SNTG2: variants seen among roughly 807,000 people sequenced by gnomAD.
SNTG2 encodes the protein syntrophin gamma 2.
SNTG2 carries 74 observed loss-of-function variants against 70.9 expected under a neutral mutation model. The observed-to-expected ratio is 1.04, with a 90% CI of 0.86 to 1.27. The LOEUF (loss-of-function observed/expected upper bound fraction) is 1.27. Ranked by LOEUF, SNTG2 falls within the 50% of genes most tolerant of loss-of-function variation. SNTG2 has a pLI of 0.00. For missense variants in SNTG2, 717 were observed against 690.7 expected (o/e 1.04, Z -0.43); for synonymous variants, 278 against 273.8 (o/e 1.02, Z -0.15).
At chr2:1,132,828 C>G (rs1186134433) in intron 4 of SNTG2, among the ~76,000 whole-genome samples, 1 of 152,194 alleles carries the variant, frequency 6.6e-6, no homozygotes, top group East Asian at 1.9e-4. Context: ...TAAACACCTC[C>G]CAGGGCCCCA....
At chr2:1,116,232 T>C (rs966298230) in intron 4 of SNTG2, among the ~76,000 whole-genome samples, 2 of 152,200 alleles carry the variant, frequency 1.3e-5, no homozygotes, top group East Asian at 1.9e-4. Flanking sequence ...TATCGATTGC[T>C]ACCTAATTGA....
At chr2:1,134,822 G>T (rs568364074) in intron 4 of SNTG2, among the ~76,000 whole-genome samples, 6 of 152,274 alleles carry the variant, frequency 3.9e-5, no homozygotes, top group Admixed American at 2.0e-4. Flanking sequence ...CCCACAGAGT[G>T]GGGGAGGCTC....
In SNTG2 at chr2:1,064,433, A is replaced by G. The variant is rs566348491; in HGVS notation, c.73-19085A>G. Among the ~76,000 whole-genome samples, 24 of 150,858 alleles carry G rather than the reference A, an allele frequency of 1.6e-4. No homozygotes were observed. In the South Asian group the frequency reaches 5.0e-3, roughly 31 times the overall value. The stretch of plus-strand genomic sequence containing the variant: ...TTAATGCATTGATATATAATTATAT[A>G]TATGTATATATACTGAAATATAATT... On this transcript the variant is annotated intron_variant, in intron 1 of 16. Transcript: ENST00000308624.
chr2:1,308,294 CA>C (rs1416673374), intron 14 of SNTG2, among the ~76,000 whole-genome samples, 199 bp from the exon 15 acceptor site: 1 of 152,114 alleles, frequency 6.6e-6, no homozygotes, highest in African/African-American at 2.4e-5. Flanking sequence ...TGCCTCTTGA[CA>C]AAAAGCAAGA....
intron 1 of SNTG2, among the ~76,000 whole-genome samples, chr2:1,020,648 T>C (rs1181249325): frequency 6.6e-6 from 1 of 152,164 alleles, no homozygotes; most frequent in Non-Finnish European, 1.5e-5. Context: ...ATTACTAATA[T>C]TTTAATATAT....
intron 8 of SNTG2, among the ~76,000 whole-genome samples, chr2:1,199,545 A>G (rs747900355): frequency 1.3e-5 from 2 of 152,132 alleles, no homozygotes; most frequent in Non-Finnish European, 2.9e-5. Context: ...AGAAAGAAAC[A>G]AAAGGCATTC....
At chr2:1,257,435 G>A (rs1006438999) in intron 12 of SNTG2, among the ~76,000 whole-genome samples, 3 of 152,200 alleles carry the variant, frequency 2.0e-5, no homozygotes, top group Admixed American at 2.0e-4. Context: ...TAAACGAGTA[G>A]GAGGAAGGCA....
chr2:1,173,520 C>T (rs548080376), intron 8 of SNTG2, among the ~76,000 whole-genome samples: 242 of 152,226 alleles, frequency 1.6e-3, no homozygotes, highest in Admixed American at 3.5e-3. Context: ...TGTGAGACTC[C>T]CATGAATTTC....
At chr2:1,054,011 A>G (rs927458758) in intron 1 of SNTG2, among the ~76,000 whole-genome samples, 4 of 150,790 alleles carry the variant, frequency 2.7e-5, no homozygotes, top group African/African-American at 9.8e-5. Flanking sequence ...GCAGGATTAC[A>G]GGGATTTAAC....
At chr2:1,190,528 T>C (rs1011360082) in intron 8 of SNTG2, among the ~76,000 whole-genome samples, 1 of 92,398 alleles carries the variant, frequency 1.1e-5, no homozygotes, top group Admixed American at 1.3e-4. Context: ...TATATATATA[T>C]ATATATATAT....
intron 1 of SNTG2, among the ~76,000 whole-genome samples, chr2:971,819 A>G (rs1404994358): frequency 6.6e-6 from 1 of 151,068 alleles, no homozygotes; most frequent in Admixed American, 6.6e-5. Flanking sequence ...TTGTCTTAAT[A>G]CTGCTTTAGG....
At chr2:1,160,119 C>T (rs2147840245) in intron 6 of SNTG2, 1 of 152,320 alleles carries the variant, frequency 6.6e-6, no homozygotes, top group South Asian at 2.1e-4. Context: ...ACATGGTGTA[C>T]ATGGTGTATG....
At chr2:1,305,009 T>A (rs182907898) in intron 14 of SNTG2, among the ~76,000 whole-genome samples, 1 of 152,302 alleles carries the variant, frequency 6.6e-6, no homozygotes, top group East Asian at 1.9e-4. Flanking sequence ...TAGAACTTTT[T>A]TTTTTTTCTT....
chr2:975,576 C>G (rs1339979098), intron 1 of SNTG2, among the ~76,000 whole-genome samples: 1 of 152,194 alleles, frequency 6.6e-6, no homozygotes, highest in Admixed American at 6.5e-5. Context: ...CAAGAAAATA[C>G]AAACCCAAAA....
chr2:1,350,132 A>G (rs1323356485), intron 16 of SNTG2, among the ~76,000 whole-genome samples: 6 of 151,944 alleles, frequency 3.9e-5, no homozygotes, highest in South Asian at 4.2e-4. Flanking sequence ...AGTGCCTTCT[A>G]CATTTCAGAC....
chr2:1,159,650 A>G (rs1369963111), intron 6 of SNTG2, among the ~76,000 whole-genome samples: 1 of 152,218 alleles, frequency 6.6e-6, no homozygotes, highest in East Asian at 1.9e-4. Context: ...AAAAAGAGCC[A>G]TGTTGTCACC....
intron 6 of SNTG2, among the ~76,000 whole-genome samples, chr2:1,156,371 A>G (rs1270507487): frequency 6.6e-6 from 1 of 152,086 alleles, no homozygotes; most frequent in Non-Finnish European, 1.5e-5. Context: ...GAGTACACAG[A>G]TGTTCACTTT....
At chr2:994,274 G>A (rs1340456680) in intron 1 of SNTG2, among the ~76,000 whole-genome samples, 2 of 151,992 alleles carry the variant, frequency 1.3e-5, no homozygotes, top group Non-Finnish European at 2.9e-5. Flanking sequence ...TCTCTCCTTT[G>A]AATTGTCCTG....
intron 6 of SNTG2, among the ~76,000 whole-genome samples, chr2:1,156,767 T>C (rs1669925597): frequency 6.6e-6 from 1 of 151,944 alleles, no homozygotes; most frequent in African/African-American, 2.4e-5. Context: ...ATTTGAGACG[T>C]GGGTGGCTGA....
Sources: gnomAD v4.1 joint callset for allele counts (sites outside exome capture counted in the v4.1 genomes callset) on GRCh38, gnomAD v4.1.1 for gene constraint, MANE v1.5 for transcripts, NCBI Gene and HGNC (gene_info 2026-07-23, HGNC 2026-07-21) for gene names.